Variants in AAK1 observed in about 807,000 individuals in gnomAD.
AAK1 encodes AP2 associated kinase 1, also known as AP2-associated protein kinase 1.
A neutral mutation model predicts 116.0 loss-of-function variants in AAK1; 37 were observed. The observed-to-expected ratio is 0.32, with a 90% CI of 0.25 to 0.42. AAK1 has a LOEUF of 0.42. Ranked by LOEUF, AAK1 falls within the 10% of genes least tolerant of loss-of-function variation. The probability of loss-of-function intolerance (pLI) is 1.00; values close to 1 mark genes in which losing one functional copy is unlikely to be tolerated. For missense variants in AAK1, 919 were observed against 1,170.6 expected (o/e 0.79, Z 3.14); for synonymous variants, 458 against 439.9 (o/e 1.04, Z -0.51).
rs574593797 is a variant in AAK1, at chr2:69,465,914, G to C, written c.*9955C>G. The C allele has an allele frequency of 1.9e-5, 24 of 1,290,822 alleles. No homozygotes were observed. Among genetic ancestry groups the C allele is most frequent in the Non-Finnish European group, 2.3e-5 (23 of 988,856 alleles). The allele number at this position is 1,290,822 out of a possible 1,614,324, so 80.0% of individuals were successfully genotyped here. A position where few individuals can be genotyped will look rare whatever the true frequency, so the allele number is the denominator to read the frequency against. On this transcript the variant is annotated 3_prime_UTR_variant, in exon 22 of 22. Coordinates refer to ENST00000409085, the MANE Select transcript of AAK1 (RefSeq NM_014911.5). Reference sequence around the variant, plus strand: ...CATCACCTGTCTGACTGAGGAGACCGGTCTGTGCAGGCAGCTCCTGGGAGG... The same window carrying C: ...CATCACCTGTCTGACTGAGGAGACCCGTCTGTGCAGGCAGCTCCTGGGAGG...
chr2:69,616,966 C>T (rs1282179641), intron 2 of AAK1, among the ~76,000 whole-genome samples: 4 of 152,176 alleles, frequency 2.6e-5, no homozygotes, highest in African/African-American at 9.7e-5. Context: ...GCCTGTGTCA[C>T]TTGCCAGGCC....
In AAK1 at chr2:69,468,742, C is replaced by T. The variant is rs1674575734; in HGVS notation, c.*7127G>A. 1 of 985,358 alleles carries T rather than the reference C, an allele frequency of 1.0e-6. No individual in the cohort carries two copies. Among genetic ancestry groups the T allele is most frequent in the African/African-American group, 1.7e-5 (1 of 57,348 alleles). 61.0% of individuals were successfully genotyped at this position (985,358 alleles called of 1,614,324 possible). On this transcript the variant is annotated 3_prime_UTR_variant, in exon 22 of 22. Transcript: ENST00000409085. Reference sequence around the variant, plus strand: ...AGGGGCACTTTGGATGCCTGAAGTGCTAGATTACATTTTGAGAACTAGGAA... The same window carrying T: ...AGGGGCACTTTGGATGCCTGAAGTGTTAGATTACATTTTGAGAACTAGGAA...
In AAK1 at chr2:69,509,841, T is replaced by C. The variant is rs76263356; in HGVS notation, c.1777-381A>G. Among the ~76,000 whole-genome samples, 1,204 of 152,282 alleles carry C rather than the reference T, an allele frequency of 7.9e-3. 13 individuals are homozygous for C. The highest frequency in any genetic ancestry group is 0.028 in the African/African-American group (1,143 of 41,548). ...ATTTCTGGAGTCACATACAAACTCA[T>C]TCAGAATGCTTTCAAAGGGCAAGCA... On this transcript the variant is annotated intron_variant, in intron 13 of 21. Transcript: ENST00000409085.
chr2:69,527,175 T>G (rs200238820), intron 9 of AAK1, 41 bp downstream of exon 9: 6 of 1,446,558 alleles, frequency 4.1e-6, no homozygotes, highest in Non-Finnish European at 5.7e-6. Context: ...AAATGGCAAT[T>G]TGATAATGTT....
chr2:69,560,727 T>C (rs917006825), intron 2 of AAK1, among the ~76,000 whole-genome samples: 9 of 152,288 alleles, frequency 5.9e-5, no homozygotes, highest in African/African-American at 1.7e-4. Context: ...CTCCCCCTAA[T>C]TGTTGATGGA....
At chr2:69,575,464 ATTTTTT>A (rs947872572) in intron 2 of AAK1, among the ~76,000 whole-genome samples, 1 of 134,408 alleles carries the variant, frequency 7.4e-6, no homozygotes, top group Non-Finnish European at 1.6e-5. Flanking sequence ...AGATAAACAA[ATTTTTT>A]TTTTTTTTTT....
chr2:69,493,189 C>G lies in AAK1; in HGVS notation c.2365+2796G>C, dbSNP rs1288137803. On this transcript the variant is annotated intron_variant, in intron 17 of 21. Coordinates refer to ENST00000409085, the MANE Select transcript of AAK1 (RefSeq NM_014911.5). ...AAAAAAAAAAAAAAGGATGCAGTGG[C>G]CTTGATATAGAAGCTGTGTAACTGA... 4.5e-5 allele frequency among the ~76,000 whole-genome samples: 6 copies of G among 134,028 alleles called. No individual in the cohort carries two copies. In the Admixed American group the frequency reaches 4.7e-4, roughly 11 times the overall value. 87.9% of individuals were successfully genotyped at this position (134,028 alleles called of 152,430 possible).
Position 69,474,713 on chromosome 2 carries a change from G to C in AAK1, c.*1156C>G. The C allele has an allele frequency of 3.0e-6, 3 of 985,756 alleles. No individual in the cohort carries two copies. Among genetic ancestry groups the C allele is most frequent in the Non-Finnish European group, 2.4e-6 (2 of 829,914 alleles). 61.1% of individuals were successfully genotyped at this position (985,756 alleles called of 1,614,324 possible). Reference sequence around the variant, plus strand: ...AAACAACATGCTTATTCTAGAGACAGAGGACCTGCTGAAAGCTTATAGCAC... The same window carrying C: ...AAACAACATGCTTATTCTAGAGACACAGGACCTGCTGAAAGCTTATAGCAC... On this transcript the variant is annotated 3_prime_UTR_variant, in exon 22 of 22. Coordinates refer to ENST00000409085, the MANE Select transcript of AAK1 (RefSeq NM_014911.5).
chr2:69,511,567 G>A lies in AAK1; in HGVS notation c.1777-2107C>T, dbSNP rs533843294. ...CCACACATAGGGGTCAGAGGGCTTT[G>A]AGGATACACTGAATGGGCTTATTTC... On this transcript the variant is annotated intron_variant, in intron 13 of 21. Transcript: ENST00000409085. 8.5e-5 allele frequency among the ~76,000 whole-genome samples: 13 copies of A among 152,298 alleles called. No homozygotes were observed. In the South Asian group the frequency reaches 2.7e-3, roughly 32 times the overall value.
intron 2 of AAK1, among the ~76,000 whole-genome samples, chr2:69,580,882 G>C (rs991179862): frequency 6.6e-6 from 1 of 152,098 alleles, no homozygotes; most frequent in Non-Finnish European, 1.5e-5. Context: ...TCAGTCTAAT[G>C]CGCAAAATGA....
chr2:69,576,714 G>A (rs1434753953), intron 2 of AAK1, among the ~76,000 whole-genome samples: 2 of 152,114 alleles, frequency 1.3e-5, no homozygotes, highest in African/African-American at 4.8e-5. Context: ...AATTAACCAT[G>A]CTTATGAGAA....
rs1405357122 is a variant in AAK1, at chr2:69,471,168, G to A, written c.*4701C>T. On this transcript the variant is annotated 3_prime_UTR_variant, in exon 22 of 22. Transcript: ENST00000409085. Reference sequence around the variant, plus strand: ...AGAGTAGAATACTCACAGGAAAAGAGTAAATTCAGGTCACTACATCAAAGT... The same window carrying A: ...AGAGTAGAATACTCACAGGAAAAGAATAAATTCAGGTCACTACATCAAAGT... 2 of 985,406 alleles carry A rather than the reference G, an allele frequency of 2.0e-6. No individual in the cohort carries two copies. The highest frequency in any genetic ancestry group is 1.1e-4 in the East Asian group (1 of 8,832). 61.0% of individuals were successfully genotyped at this position (985,406 alleles called of 1,614,324 possible).
At chr2:69,529,892 T>G (rs1253282098) in intron 8 of AAK1, 116 bp downstream of exon 8, 3 of 953,582 alleles carry the variant, frequency 3.1e-6, no homozygotes, top group Non-Finnish European at 3.0e-6. Context: ...CATTATCAAC[T>G]AATTTCTTTA....
At chr2:69,516,838 T>C (rs1313233305) in intron 12 of AAK1, 1 of 152,216 alleles carries the variant, frequency 6.6e-6, no homozygotes, top group African/African-American at 2.4e-5. Flanking sequence ...TCAAGGGTTG[T>C]AGTATGCTAT....
At chr2:69,534,142 T>C (rs1369737386) in intron 5 of AAK1, among the ~76,000 whole-genome samples, 2 of 152,218 alleles carry the variant, frequency 1.3e-5, no homozygotes, top group African/African-American at 4.8e-5. Flanking sequence ...ATTATCCCAC[T>C]ACATCCTCAT....
In AAK1 at chr2:69,466,659, T is replaced by G. The variant is rs1674496047; in HGVS notation, c.*9210A>C. 2 of 1,077,932 alleles carry G rather than the reference T, an allele frequency of 1.9e-6. No homozygotes were observed. The highest frequency in any genetic ancestry group is 4.9e-5 in the Admixed American group (1 of 20,506). The allele number at this position is 1,077,932 out of a possible 1,614,324, so 66.8% of individuals were successfully genotyped here. ...ACATTGTGGGACCAAATAATAGATG[T>G]TGAAAATGCAACAGGAAAAACATAA... On this transcript the variant is annotated 3_prime_UTR_variant, in exon 22 of 22. Transcript: ENST00000409085.
intron 2 of AAK1, among the ~76,000 whole-genome samples, chr2:69,605,368 T>G (rs890661982): frequency 6.6e-6 from 1 of 152,246 alleles, no homozygotes; most frequent in Non-Finnish European, 1.5e-5. Flanking sequence ...AATGAAATCA[T>G]GGTAAACTAG....
Position 69,468,073 on chromosome 2 carries a change from G to C in AAK1, c.*7796C>G, listed in dbSNP as rs970613629. ...GGGGCGTTAAGTTAAATTCTGTACTGGTGCCAAATGGCTTTCAGAATAGTA... is the reference window on the plus strand; with the variant it reads ...GGGGCGTTAAGTTAAATTCTGTACTCGTGCCAAATGGCTTTCAGAATAGTA... On this transcript the variant is annotated 3_prime_UTR_variant, in exon 22 of 22. Coordinates refer to ENST00000409085, the MANE Select transcript of AAK1 (RefSeq NM_014911.5). The C allele has an allele frequency of 5.1e-6, 5 of 985,212 alleles. No homozygotes were observed. In the African/African-American group the frequency reaches 8.7e-5, roughly 17 times the overall value. 61.0% of individuals were successfully genotyped at this position (985,212 alleles called of 1,614,324 possible).
At chr2:69,641,952 A>G (rs975013718) in intron 2 of AAK1, among the ~76,000 whole-genome samples, 49 of 152,260 alleles carry the variant, frequency 3.2e-4, no homozygotes, top group Admixed American at 2.7e-3. Context: ...TGCTTTTATT[A>G]AAAATAAAAG....
Sources: allele counts gnomAD v4.1 joint callset (sites outside exome capture counted in the v4.1 genomes callset), GRCh38; gene constraint gnomAD v4.1.1; transcripts MANE v1.5; gene names NCBI Gene and HGNC (gene_info 2026-07-23, HGNC 2026-07-21).